Variants in CLASP1 observed in about 807,000 individuals in gnomAD.
The protein encoded by CLASP1 is CLIP-associating protein 1.
Under a neutral mutation model 192.3 loss-of-function variants are expected in CLASP1, and 38 were observed. That is an observed-to-expected ratio of 0.20 (90% CI 0.15 to 0.26). The LOEUF (loss-of-function observed/expected upper bound fraction) is 0.26. Ranked by LOEUF, CLASP1 falls within the 10% of genes least tolerant of loss-of-function variation. CLASP1 has a pLI of 1.00. For missense variants in CLASP1, 1,433 were observed against 1,932.5 expected, an observed-to-expected ratio of 0.74 and a Z score of 4.85; for synonymous variants, 691 against 712.8, an observed-to-expected ratio of 0.97 and a Z score of 0.49.
intron 24 of CLASP1, among the ~76,000 whole-genome samples, chr2:121,409,675 C>A (rs1223992891): frequency 6.6e-6 from 1 of 152,294 alleles, no homozygotes; most frequent in South Asian, 2.1e-4. Flanking sequence ...CATTTCCCAC[C>A]CCTTTGACCT....
chr2:121,371,538 A>C lies in CLASP1; in HGVS notation c.3643-3707T>G, dbSNP rs1330876354. On this transcript the variant is annotated intron_variant, in intron 34 of 39. Transcript: ENST00000263710. ...GCAGGCGTGAGCCACCATAATTGGA[A>C]AAAGTAACCCCTCACGCATCCATCT... is the stretch of plus-strand genomic sequence containing the variant. 2.0e-5 allele frequency among the ~76,000 whole-genome samples: 3 copies of C among 152,148 alleles called. No individual in the cohort carries two copies. In the East Asian group the frequency reaches 5.8e-4, roughly 30 times the overall value.
intron 2 of CLASP1, among the ~76,000 whole-genome samples, chr2:121,572,287 G>T (rs2105426637): frequency 6.6e-6 from 1 of 152,266 alleles, no homozygotes; most frequent in Non-Finnish European, 1.5e-5. Context: ...AATTAGCAGG[G>T]CATGGTGGCG....
chr2:121,478,692 C>T (rs2092018977), intron 8 of CLASP1, among the ~76,000 whole-genome samples: 1 of 85,448 alleles, frequency 1.2e-5, no homozygotes, highest in Admixed American at 1.2e-4. Context: ...ACACCCCACA[C>T]ACACAACCAC....
intron 2 of CLASP1, among the ~76,000 whole-genome samples, chr2:121,595,051 C>T (rs2062965202): frequency 6.6e-6 from 1 of 152,142 alleles, no homozygotes; most frequent in Non-Finnish European, 1.5e-5. Context: ...AAGTCTAACT[C>T]AAAATTCCCT....
chr2:121,339,909 G>C (rs111319975), exon 40 of CLASP1: 1 of 152,168 alleles, frequency 6.6e-6, no homozygotes, highest in Non-Finnish European at 1.5e-5. Context: ...AGAACTGAAC[G>C]GCTTAGGCAG....
At chr2:121,427,617 T>A in intron 20 of CLASP1, 187 bp from the exon 21 acceptor site, 2 of 651,190 alleles carry the variant, frequency 3.1e-6, no homozygotes, top group Non-Finnish European at 5.5e-6. Context: ...CATTCTACAT[T>A]AGCATTTATT....
At chr2:121,604,182 T>C (rs530801767) in intron 2 of CLASP1, among the ~76,000 whole-genome samples, 30 of 152,350 alleles carry the variant, frequency 2.0e-4, no homozygotes, top group Middle Eastern at 3.4e-3. Flanking sequence ...CATGAGTATG[T>C]AAAATTATTT....
chr2:121,347,470 T>C (rs189276352), intron 38 of CLASP1, among the ~76,000 whole-genome samples: 189 of 152,194 alleles, frequency 1.2e-3, no homozygotes, highest in African/African-American at 4.4e-3. Context: ...GGAGAGAGAA[T>C]GAGAAAAGGA....
rs537027975 is a variant in CLASP1, at chr2:121,567,219, GAACA to G, written c.196-36898_196-36895del. On this transcript the variant is annotated intron_variant, in intron 2 of 39. Transcript: ENST00000263710. Reference sequence around the variant, plus strand: ...TTATCCTCAGCTTCTTCCACTCACTGAACAAACAGTCGAGCACCGCTGTGGGCCA... The same window carrying G: ...TTATCCTCAGCTTCTTCCACTCACTGAACAGTCGAGCACCGCTGTGGGCCA... Among the ~76,000 whole-genome samples, 334 of 152,320 alleles carry G rather than the reference GAACA, an allele frequency of 2.2e-3. 1 individual carries two copies. The highest frequency in any genetic ancestry group is 6.1e-3 in the African/African-American group (252 of 41,570).
chr2:121,382,964 G>C (rs1350784375), intron 32 of CLASP1, among the ~76,000 whole-genome samples: 3 of 152,196 alleles, frequency 2.0e-5, no homozygotes, highest in Non-Finnish European at 4.4e-5. Context: ...TCAGAGTGCT[G>C]GGTCATAAAA....
chr2:121,452,739 C>T (rs1391145619), intron 14 of CLASP1, among the ~76,000 whole-genome samples: 2 of 151,988 alleles, frequency 1.3e-5, no homozygotes. Flanking sequence ...TGCAGTGAGC[C>T]GAGATCGTGC....
intron 19 of CLASP1, among the ~76,000 whole-genome samples, chr2:121,444,347 G>A (rs977983575): frequency 6.6e-6 from 1 of 152,082 alleles, no homozygotes; most frequent in Non-Finnish European, 1.5e-5. Context: ...ATGAATGAGA[G>A]TAAATGAATG....
chr2:121,610,396 G>C (rs2065110717), intron 1 of CLASP1, among the ~76,000 whole-genome samples: 2 of 151,044 alleles, frequency 1.3e-5, no homozygotes, highest in African/African-American at 2.4e-5. Context: ...GGAGGAGGAG[G>C]AGGAGTTACA....
intron 1 of CLASP1, among the ~76,000 whole-genome samples, chr2:121,641,327 C>A (rs1576699233): frequency 6.7e-6 from 1 of 148,468 alleles, no homozygotes; most frequent in Non-Finnish European, 1.5e-5. Flanking sequence ...ACTTGGGGAA[C>A]CTGTTAAAAA....
chr2:121,490,443 T>G, intron 8 of CLASP1: 1 of 242,696 alleles, frequency 4.1e-6, no homozygotes, highest in African/African-American at 2.3e-5. Context: ...AATAAAAGCC[T>G]AGACTAACAA....
chr2:121,469,889 C>G (rs1319997028), exon 9 of CLASP1: 13 of 1,613,642 alleles, frequency 8.1e-6, no homozygotes, highest in Non-Finnish European at 1.0e-5. Context: ...CTTGGTGGAG[C>G]CTTGGATGAT....
chr2:121,390,325 G>A (rs778641684), intron 30 of CLASP1, among the ~76,000 whole-genome samples: 3 of 152,142 alleles, frequency 2.0e-5, no homozygotes, highest in Non-Finnish European at 4.4e-5. Context: ...TGTTCTTGTC[G>A]GCATATGTGA....
intron 2 of CLASP1, among the ~76,000 whole-genome samples, chr2:121,553,713 T>C (rs1204752993): frequency 1.3e-5 from 2 of 151,910 alleles, no homozygotes; most frequent in Non-Finnish European, 2.9e-5. Flanking sequence ...AATAAATAAA[T>C]AAATAAGTAA....
At chr2:121,452,242 C>T (rs139660883) in intron 14 of CLASP1, among the ~76,000 whole-genome samples, 7 of 152,108 alleles carry the variant, frequency 4.6e-5, no homozygotes, top group Non-Finnish European at 7.4e-5. Flanking sequence ...GCATTAATTT[C>T]GGAGAATGCT....
Sources: gnomAD v4.1 joint callset for allele counts (sites outside exome capture counted in the v4.1 genomes callset) on GRCh38, gnomAD v4.1.1 for gene constraint, MANE v1.5 for transcripts, NCBI Gene and HGNC (gene_info 2026-07-23, HGNC 2026-07-21) for gene names.